The following CDH4 variants were observed in gnomAD, a reference collection of about 807,000 sequenced individuals.
CDH4 encodes cadherin 4.
Under a neutral mutation model 86.0 loss-of-function variants are expected in CDH4, and 33 were observed. The ratio of observed to expected loss-of-function variants is 0.38; its 90% CI spans 0.29 to 0.51. The LOEUF (loss-of-function observed/expected upper bound fraction) is 0.51. Among genes scored for constraint, CDH4 ranks in the 20% least tolerant of loss-of-function variants. CDH4 has a pLI of 0.86. For missense variants in CDH4, 1,114 were observed against 1,307.4 expected, an observed-to-expected ratio of 0.85 and a Z score of 2.28; for synonymous variants, 555 against 549.4, an observed-to-expected ratio of 1.01 and a Z score of -0.14.
At chr20:61,430,688 C>T (rs2085241698) in intron 2 of CDH4, among the ~76,000 whole-genome samples, 1 of 152,190 alleles carries the variant, frequency 6.6e-6, no homozygotes. Flanking sequence ...TGCTTCCCTC[C>T]TTATTACCTG....
At chr20:61,486,616 T>A (rs375245943) in intron 2 of CDH4, among the ~76,000 whole-genome samples, 3 of 152,310 alleles carry the variant, frequency 2.0e-5, no homozygotes, top group South Asian at 2.1e-4. Context: ...TTAGGCCAGG[T>A]ACGATGGCTC....
chr20:61,728,339 G>T (rs747766030), intron 2 of CDH4, among the ~76,000 whole-genome samples: 4 of 152,216 alleles, frequency 2.6e-5, no homozygotes, highest in African/African-American at 4.8e-5. Context: ...GGAAGATCAC[G>T]TCACTGTTGA....
chr20:61,498,240 A>G (rs1364234197), intron 2 of CDH4, among the ~76,000 whole-genome samples: 2 of 152,160 alleles, frequency 1.3e-5, no homozygotes, highest in Non-Finnish European at 2.9e-5. Flanking sequence ...TGTGAAGACC[A>G]GATCGGATGG....
chr20:61,304,315 G>A (rs1449892047), intron 2 of CDH4, among the ~76,000 whole-genome samples: 1 of 150,868 alleles, frequency 6.6e-6, no homozygotes, highest in East Asian at 2.0e-4. Context: ...TGACTTCCTA[G>A]GTAATCACTG....
chr20:61,651,713 A>G (rs1226427695), intron 2 of CDH4, among the ~76,000 whole-genome samples: 2 of 152,016 alleles, frequency 1.3e-5, no homozygotes, highest in Non-Finnish European at 2.9e-5. Flanking sequence ...AATAATTCCC[A>G]ATTATTTTTT....
chr20:61,910,347 A>G, intron 8 of CDH4, 75 bp from the exon 9 acceptor site: 4 of 1,303,052 alleles, frequency 3.1e-6, no homozygotes, highest in Non-Finnish European at 4.4e-6. Context: ...TGAGCTGCAC[A>G]TATGCTACGT....
intron 2 of CDH4, among the ~76,000 whole-genome samples, chr20:61,460,455 G>T (rs2427113): frequency 0.23 from 35,518 of 152,140 alleles, 5,004 homozygotes; most frequent in Admixed American, 0.36. Flanking sequence ...TCCCAGTTTT[G>T]CCCAACCAAA....
intron 2 of CDH4, among the ~76,000 whole-genome samples, chr20:61,667,812 G>A (rs929822232): frequency 2.0e-5 from 3 of 152,238 alleles, no homozygotes; most frequent in Non-Finnish European, 4.4e-5. Context: ...GCCAGGAAGA[G>A]TGAATGAATG....
intron 2 of CDH4, among the ~76,000 whole-genome samples, chr20:61,590,637 G>T (rs948710134): frequency 2.2e-4 from 34 of 152,322 alleles, no homozygotes; most frequent in Middle Eastern, 3.4e-3. Context: ...CCTCTGCCAG[G>T]CTCTGACCTC....
intron 2 of CDH4, among the ~76,000 whole-genome samples, chr20:61,732,264 A>AT (rs1340309701): frequency 1.3e-5 from 2 of 152,190 alleles, no homozygotes; most frequent in African/African-American, 4.8e-5. Context: ...GGACATGAAC[A>AT]CTGTGATATT....
intron 2 of CDH4, among the ~76,000 whole-genome samples, chr20:61,693,723 G>C (rs2087685260): frequency 6.6e-6 from 1 of 152,168 alleles, no homozygotes; most frequent in Non-Finnish European, 1.5e-5. Context: ...CCAGCACCTA[G>C]AGCCCAACAA....
At chr20:61,552,828 T>C (rs188631459) in intron 2 of CDH4, among the ~76,000 whole-genome samples, 4 of 152,110 alleles carry the variant, frequency 2.6e-5, no homozygotes, top group African/African-American at 9.6e-5. Flanking sequence ...CCTCATGCAT[T>C]ACTGGTGGGA....
At chr20:61,610,826 C>T (rs1351925962) in intron 2 of CDH4, among the ~76,000 whole-genome samples, 2 of 152,206 alleles carry the variant, frequency 1.3e-5, no homozygotes, top group Non-Finnish European at 2.9e-5. Flanking sequence ...GTGACCCCTG[C>T]AGCCATCTCA....
chr20:61,299,522 A>C (rs1360413055), intron 2 of CDH4, among the ~76,000 whole-genome samples: 3 of 152,262 alleles, frequency 2.0e-5, no homozygotes, highest in Non-Finnish European at 4.4e-5. Flanking sequence ...ATGTTGACTT[A>C]GATGTTTCTT....
intron 4 of CDH4, among the ~76,000 whole-genome samples, chr20:61,802,448 C>T (rs1979877253): frequency 4.6e-5 from 7 of 152,160 alleles, no homozygotes; most frequent in Admixed American, 4.6e-4. Context: ...CCCCCAAAAT[C>T]GTGGGGGTGG....
At chr20:61,924,086 C>T (rs2055016865) in intron 10 of CDH4, among the ~76,000 whole-genome samples, 1 of 152,220 alleles carries the variant, frequency 6.6e-6, no homozygotes, top group Non-Finnish European at 1.5e-5. Context: ...GAGTTGAGAC[C>T]ACCCACTACT....
rs147816904 is a variant in CDH4 at position 61,743,672 on chromosome 20, C to A, written c.279C>A (p.Val93=). ...GTVFATRELQ[V]PSEQVAFTVT... is the part of the protein sequence containing the mutation. ...TCTTCGCCACCCGGGAGCTGCAGGT[C>A]CCCTCCGAGCAGGTGGCGTTCACGG... The change falls in exon 3 of 16, where the codon GTC becomes GTA. Residue 93 remains valine (V), a synonymous_variant. Coordinates refer to ENST00000614565, the MANE Select transcript of CDH4 (RefSeq NM_001794.5). 48 of 1,604,050 alleles carry A rather than the reference C, an allele frequency of 3.0e-5. No individual in the cohort carries two copies. In the African/African-American group the frequency reaches 6.1e-4, roughly 21 times the overall value.
intron 2 of CDH4, among the ~76,000 whole-genome samples, chr20:61,407,611 T>C (rs1344907785): frequency 1.3e-5 from 2 of 152,216 alleles, no homozygotes; most frequent in Non-Finnish European, 2.9e-5. Flanking sequence ...CTCAACTGGG[T>C]ATTTTCCCCA....
At chr20:61,608,521 C>T (rs932655119) in intron 2 of CDH4, among the ~76,000 whole-genome samples, 3 of 152,258 alleles carry the variant, frequency 2.0e-5, no homozygotes, top group Admixed American at 6.5e-5. Flanking sequence ...ATGGACGATT[C>T]TGCCCCACTG....
Sources: gnomAD v4.1 joint callset for allele counts (sites outside exome capture counted in the v4.1 genomes callset) on GRCh38, gnomAD v4.1.1 for gene constraint, MANE v1.5 for transcripts, NCBI Gene and HGNC (gene_info 2026-07-23, HGNC 2026-07-21) for gene names.